Variants in ARHGAP8 observed in about 807,000 individuals in gnomAD.
The protein encoded by ARHGAP8 is Rho GTPase activating protein 8, also known as rho GTPase-activating protein 8.
Under a neutral mutation model 46.1 loss-of-function variants are expected in ARHGAP8, and 62 were observed. The observed-to-expected ratio is 1.34, with a 90% confidence interval of 1.10 to 1.66. ARHGAP8 has a LOEUF of 1.66. Among genes scored for constraint, ARHGAP8 ranks in the 40% most tolerant of loss-of-function variants. The pLI is 0.00. For missense variants in ARHGAP8, 923 were observed against 568.4 expected, an observed-to-expected ratio of 1.62 and a Z score of -6.34; for synonymous variants, 375 against 243.1, an observed-to-expected ratio of 1.54 and a Z score of -5.05.
intron 1 of ARHGAP8, among the ~76,000 whole-genome samples, chr22:44,762,635 T>C (rs1925225479): frequency 6.7e-6 from 1 of 149,002 alleles, no homozygotes; most frequent in Non-Finnish European, 1.5e-5. Flanking sequence ...CGTCCACCTC[T>C]CGGGTTCAAG....
chr22:44,859,202 G>T (rs150779523), intron 10 of ARHGAP8, among the ~76,000 whole-genome samples: 2 of 152,118 alleles, frequency 1.3e-5, no homozygotes, highest in Non-Finnish European at 2.9e-5. Flanking sequence ...GCTTGGATCT[G>T]AGTCCCCAGC....
chr22:44,786,987 C>T (rs4568045), intron 2 of ARHGAP8, among the ~76,000 whole-genome samples: 70,820 of 148,076 alleles, frequency 0.48, 17,490 homozygotes, highest in South Asian at 0.61. Context: ...CCACTGCACT[C>T]CAGCCTGGGT....
chr22:44,826,091 G>A (rs1930503470), intron 7 of ARHGAP8, among the ~76,000 whole-genome samples: 1 of 152,122 alleles, frequency 6.6e-6, no homozygotes, highest in South Asian at 2.1e-4. Context: ...GCGTGGTCAT[G>A]GGATGTGCTT....
chr22:44,829,841 T>C (rs1428963002), intron 7 of ARHGAP8, among the ~76,000 whole-genome samples: 6 of 152,094 alleles, frequency 3.9e-5, no homozygotes, highest in Admixed American at 3.9e-4. Flanking sequence ...GAAGTTAATA[T>C]ATTAAAGGGA....
intron 6 of ARHGAP8, among the ~76,000 whole-genome samples, chr22:44,824,702 G>T (rs968628953): frequency 6.7e-6 from 1 of 149,116 alleles, no homozygotes; most frequent in African/African-American, 2.5e-5. Flanking sequence ...GCGCAATCTC[G>T]GCTCTCTGCA....
rs1368460256 is a variant in ARHGAP8, at chr22:44,828,536, G to A, written c.596+2943G>A. 6.8e-5 allele frequency among the ~76,000 whole-genome samples: 10 copies of A among 148,014 alleles called. No individual in the cohort carries two copies. The East Asian group carries it at 1.0e-3, about 15-fold the overall frequency. On this transcript the variant is annotated intron_variant, in intron 7 of 11. Coordinates refer to ENST00000356099, the MANE Select transcript of ARHGAP8 (RefSeq NM_181335.3). ...AGGATCTCGGCTCCCTGCAACCTCC[G>A]CCTCCCGGGTTTAAGCAATTCTCCT... is the stretch of plus-strand genomic sequence containing the variant.
At chr22:44,860,412 C>T (rs1292696814) in intron 11 of ARHGAP8, among the ~76,000 whole-genome samples, 5 of 151,866 alleles carry the variant, frequency 3.3e-5, no homozygotes, top group Non-Finnish European at 5.9e-5. Flanking sequence ...AGCTATGCCT[C>T]CAGCTCCCCC....
intron 7 of ARHGAP8, among the ~76,000 whole-genome samples, chr22:44,841,082 G>A (rs1348341484): frequency 1.3e-5 from 2 of 152,182 alleles, no homozygotes; most frequent in African/African-American, 4.8e-5. Flanking sequence ...CCCATAGAGA[G>A]CAAGGAGGAA....
intron 7 of ARHGAP8, among the ~76,000 whole-genome samples, chr22:44,825,829 G>A (rs971579040): frequency 1.5e-5 from 2 of 137,690 alleles, no homozygotes; most frequent in East Asian, 2.2e-4. Context: ...CTCGCTGCTC[G>A]GTGCCTGGTT....
intron 11 of ARHGAP8, among the ~76,000 whole-genome samples, chr22:44,860,493 T>G (rs2070421848): frequency 2.6e-5 from 4 of 152,018 alleles, no homozygotes; most frequent in African/African-American, 9.7e-5. Context: ...CCCTGCCATA[T>G]GTCACTGGGT....
intron 10 of ARHGAP8, among the ~76,000 whole-genome samples, chr22:44,859,108 T>A (rs1307517226): frequency 6.6e-6 from 1 of 152,122 alleles, no homozygotes; most frequent in African/African-American, 2.4e-5. Context: ...ATAAAGTGAT[T>A]CGGCTTTAGC....
At chr22:44,785,517 A>G (rs930656042) in intron 1 of ARHGAP8, among the ~76,000 whole-genome samples, 6 of 152,088 alleles carry the variant, frequency 3.9e-5, no homozygotes, top group African/African-American at 1.2e-4. Flanking sequence ...CTCCTGAGTC[A>G]TTGGATTCAG....
intron 2 of ARHGAP8, among the ~76,000 whole-genome samples, chr22:44,792,811 G>GTGGTGTTGGTTTTTTTTGTTTTTTTGTTT (rs1555911861): frequency 7.5e-6 from 1 of 132,856 alleles, no homozygotes; most frequent in Non-Finnish European, 1.6e-5. Flanking sequence ...GGTGGTGGTG[G>GTGGTGTTGGTTTTTTTTGTTTTTTTGTTT]TTTTTTTTGT....
chr22:44,846,884 G>C (rs1255450088), intron 8 of ARHGAP8, among the ~76,000 whole-genome samples: 1 of 152,084 alleles, frequency 6.6e-6, no homozygotes, highest in East Asian at 1.9e-4. Context: ...TAGGGGGGTT[G>C]ACCTTGTTGG....
rs546023907 is a variant in ARHGAP8 at position 44,758,754 on chromosome 22, A to G, written c.-72+6127A>G. Among the ~76,000 whole-genome samples, 612 of 152,332 alleles carry G rather than the reference A, an allele frequency of 4.0e-3. 7 individuals are homozygous for G. Among genetic ancestry groups the G allele is most frequent in the African/African-American group, 0.014 (600 of 41,574 alleles). The stretch of plus-strand genomic sequence containing the variant: ...AATGACATGAGCTCTGGAGGGCAGC[A>G]GGTCCAAACCACAGGCTCTTTCAGG... On this transcript the variant is annotated intron_variant, in intron 1 of 11. Coordinates refer to ENST00000356099, the MANE Select transcript of ARHGAP8 (RefSeq NM_181335.3).
At chr22:44,758,178 C>T (rs988403927) in intron 1 of ARHGAP8, among the ~76,000 whole-genome samples, 13 of 152,270 alleles carry the variant, frequency 8.5e-5, no homozygotes, top group South Asian at 2.1e-4. Flanking sequence ...AGGCCGGGCA[C>T]GGTGGCTCAC....
chr22:44,842,484 G>T (rs1051371282), intron 7 of ARHGAP8, among the ~76,000 whole-genome samples: 1 of 152,176 alleles, frequency 6.6e-6, no homozygotes, highest in Non-Finnish European at 1.5e-5. Flanking sequence ...AAGGTTTTTG[G>T]TTGTCGTGGA....
At chr22:44,753,476 C>G (rs1477403074) in intron 1 of ARHGAP8, among the ~76,000 whole-genome samples, 2 of 152,040 alleles carry the variant, frequency 1.3e-5, no homozygotes, top group African/African-American at 2.4e-5. Flanking sequence ...CTTCCTGGGC[C>G]TCCCAAAGTG....
chr22:44,811,215 A>G (rs1033019441), intron 4 of ARHGAP8, among the ~76,000 whole-genome samples: 3 of 152,224 alleles, frequency 2.0e-5, no homozygotes, highest in African/African-American at 7.2e-5. Flanking sequence ...CAGCCAGGTA[A>G]GATGTGCCAG....
Sources: allele counts gnomAD v4.1 joint callset (sites outside exome capture counted in the v4.1 genomes callset), GRCh38; gene constraint gnomAD v4.1.1; transcripts MANE v1.5; gene names NCBI Gene and HGNC (gene_info 2026-07-23, HGNC 2026-07-21).